The following FAM13C variants were observed in gnomAD, a reference collection of about 807,000 sequenced individuals.
FAM13C encodes family with sequence similarity 13 member C.
FAM13C carries 37 observed loss-of-function variants against 73.2 expected under a neutral mutation model. That is an observed-to-expected ratio of 0.51 (90% CI 0.39 to 0.67). The LOEUF (loss-of-function observed/expected upper bound fraction) is 0.67. Ranked by LOEUF, FAM13C falls within the 30% of genes least tolerant of loss-of-function variation. The probability of loss-of-function intolerance (pLI) is 0.00; values close to 1 mark genes in which losing one functional copy is unlikely to be tolerated. For synonymous variants in FAM13C, 246 were observed against 260.9 expected, an observed-to-expected ratio of 0.94 and a Z score of 0.55; for missense variants, 589 against 715.6, an observed-to-expected ratio of 0.82 and a Z score of 2.02.
intron 6 of FAM13C, among the ~76,000 whole-genome samples, chr10:59,273,242 C>T (rs2133588935): frequency 6.6e-6 from 1 of 152,276 alleles, no homozygotes; most frequent in African/African-American, 2.4e-5. Flanking sequence ...ACAATATTCA[C>T]CCATGCATCC....
chr10:59,251,081 A>G (rs897609087), intron 13 of FAM13C: 3 of 159,160 alleles, frequency 1.9e-5, no homozygotes, highest in African/African-American at 7.2e-5. Context: ...CCATTTATTT[A>G]AGAAGTAGAA....
intron 2 of FAM13C, among the ~76,000 whole-genome samples, chr10:59,355,428 C>A (rs995561642): frequency 6.6e-6 from 1 of 152,142 alleles, no homozygotes; most frequent in African/African-American, 2.4e-5. Flanking sequence ...ACATCAACTT[C>A]CTTTCAGTTT....
chr10:59,258,940 A>T (rs1297711990), intron 10 of FAM13C, among the ~76,000 whole-genome samples: 1 of 152,216 alleles, frequency 6.6e-6, no homozygotes, highest in African/African-American at 2.4e-5. Context: ...GCCATTACTC[A>T]TCCCCTTGGT....
At chr10:59,263,934 G>T (rs551546569) in intron 9 of FAM13C, 151 bp downstream of exon 9, 13 of 705,566 alleles carry the variant, frequency 1.8e-5, no homozygotes, top group South Asian at 1.8e-4. Context: ...AGAGATACAG[G>T]GTGCTTTATT....
chr10:59,248,576 T>C (rs1395505925), intron 13 of FAM13C, among the ~76,000 whole-genome samples: 2 of 152,154 alleles, frequency 1.3e-5, no homozygotes, highest in Non-Finnish European at 2.9e-5. Flanking sequence ...GCCAATCGTT[T>C]TGAAAACATT....
intron 4 of FAM13C, among the ~76,000 whole-genome samples, chr10:59,311,006 T>A (rs1471573959): frequency 2.6e-5 from 4 of 152,180 alleles, no homozygotes; most frequent in Non-Finnish European, 5.9e-5. Flanking sequence ...AGGGAGGAAC[T>A]TCTTTGAGTA....
chr10:59,271,354 C>T (rs143093567), intron 6 of FAM13C, among the ~76,000 whole-genome samples: 9 of 152,322 alleles, frequency 5.9e-5, no homozygotes, highest in African/African-American at 1.2e-4. Flanking sequence ...ATCTGCTTTG[C>T]GTAACATCAA....
intron 3 of FAM13C, among the ~76,000 whole-genome samples, chr10:59,331,510 G>A (rs539915076): frequency 6.6e-6 from 1 of 152,300 alleles, no homozygotes; most frequent in Admixed American, 6.5e-5. Flanking sequence ...TAAGTATGAA[G>A]ACCTACTAGT....
At chr10:59,296,460 G>C (rs971959243) in intron 5 of FAM13C, among the ~76,000 whole-genome samples, 3 of 152,126 alleles carry the variant, frequency 2.0e-5, no homozygotes, top group Non-Finnish European at 4.4e-5. Flanking sequence ...AGAGTTAACA[G>C]TAGTATGGGA....
intron 9 of FAM13C, among the ~76,000 whole-genome samples, chr10:59,263,332 CT>C (rs1459252201): frequency 6.6e-6 from 1 of 152,070 alleles, no homozygotes; most frequent in Non-Finnish European, 1.5e-5. Context: ...AGCTCATTTT[CT>C]TTGTTTGATG....
chr10:59,262,705 G>C (rs1842635312), intron 9 of FAM13C, 60 bp from the exon 10 acceptor site: 1 of 1,430,970 alleles, frequency 7.0e-7, no homozygotes, highest in African/African-American at 1.4e-5. Flanking sequence ...TAAGAATGGA[G>C]AGACTTTCAG....
At chr10:59,356,627 T>G (rs1855740487) in intron 1 of FAM13C, among the ~76,000 whole-genome samples, 1 of 152,152 alleles carries the variant, frequency 6.6e-6, no homozygotes, top group Non-Finnish European at 1.5e-5. Context: ...CATCCTTCAC[T>G]GCCCAAGTCA....
chr10:59,338,108 G>T (rs1380553), intron 3 of FAM13C, among the ~76,000 whole-genome samples: 81,550 of 151,872 alleles, frequency 0.54, 23,183 homozygotes, highest in Middle Eastern at 0.63. Flanking sequence ...TATTTTAAAA[G>T]GATTATCTCA....
At chr10:59,284,801 C>T (rs923230577) in intron 5 of FAM13C, among the ~76,000 whole-genome samples, 2 of 151,366 alleles carry the variant, frequency 1.3e-5, no homozygotes, top group Non-Finnish European at 2.9e-5. Context: ...CCCCCGAAAC[C>T]TCCCAGCCTA....
intron 7 of FAM13C, 137 bp downstream of exon 7, chr10:59,269,762 G>T (rs577655249): frequency 3.9e-6 from 4 of 1,020,510 alleles, no homozygotes; most frequent in African/African-American, 3.2e-5. Flanking sequence ...ACTAATTTTT[G>T]TCATTTATTG....
At chr10:59,267,667 C>T (rs1195818887) in intron 8 of FAM13C, among the ~76,000 whole-genome samples, 1 of 152,146 alleles carries the variant, frequency 6.6e-6, no homozygotes, top group East Asian at 1.9e-4. Context: ...ATTATCCATT[C>T]TCACCTCCCT....
chr10:59,305,524 C>CA (rs1282123204), intron 4 of FAM13C, among the ~76,000 whole-genome samples: 1 of 152,128 alleles, frequency 6.6e-6, no homozygotes, highest in African/African-American at 2.4e-5. Flanking sequence ...CTGAAGAAAG[C>CA]ATATATGTCC....
chr10:59,265,935 A>G (rs1161516701), intron 8 of FAM13C, among the ~76,000 whole-genome samples: 1 of 152,212 alleles, frequency 6.6e-6, no homozygotes, highest in East Asian at 1.9e-4. Context: ...AACGTCATAC[A>G]CACGGAAATT....
At position 59,265,328 on chromosome 10, in the gene FAM13C, G is replaced by T. The variant is rs1226726348; in HGVS notation, c.943-1162C>A. On this transcript the variant is annotated intron_variant, in intron 8 of 13. Transcript: ENST00000618804. ...GATAGGGAAGGGGTTTTGGCGGGGG[G>T]GGGGGGGAATCCTGGTTTCAGGACC... is the stretch of plus-strand genomic sequence containing the variant. Among the ~76,000 whole-genome samples, 8 of 48,978 alleles carry T rather than the reference G, an allele frequency of 1.6e-4. 1 individual carries two copies. In the South Asian group the frequency reaches 2.4e-3, roughly 15 times the overall value. 32.1% of individuals were successfully genotyped at this position (48,978 alleles called of 152,430 possible).
Sources: gnomAD v4.1 joint callset for allele counts (sites outside exome capture counted in the v4.1 genomes callset) on GRCh38, gnomAD v4.1.1 for gene constraint, MANE v1.5 for transcripts, NCBI Gene and HGNC (gene_info 2026-07-23, HGNC 2026-07-21) for gene names.